Variants in PAN3 observed in about 807,000 individuals in gnomAD.
PAN3 encodes the protein poly(A) specific ribonuclease subunit PAN3.
In PAN3, 19 loss-of-function variants were observed where a neutral mutation model predicts 96.2. The ratio of observed to expected loss-of-function variants is 0.20; its 90% CI spans 0.14 to 0.29. The LOEUF (loss-of-function observed/expected upper bound fraction) is 0.29. PAN3 is among the 10% of genes least tolerant of loss of function. PAN3 has a pLI of 1.00. For missense variants in PAN3, 882 were observed against 1,108.1 expected (o/e 0.80, Z 2.90); for synonymous variants, 433 against 406.6 (o/e 1.06, Z -0.78).
At chr13:28,174,485 T>G in intron 2 of PAN3, 92 bp downstream of exon 2, 3 of 1,401,728 alleles carry the variant, frequency 2.1e-6, no homozygotes, top group Non-Finnish European at 2.9e-6. Flanking sequence ...ATTTGTTGAG[T>G]GGGAGGTGAG....
chr13:28,253,615 T>G (rs1014546090), intron 6 of PAN3, among the ~76,000 whole-genome samples: 1 of 151,696 alleles, frequency 6.6e-6, no homozygotes, highest in African/African-American at 2.4e-5. Flanking sequence ...TTTTTTTCCT[T>G]AGAGAGACAG....
intron 7 of PAN3, among the ~76,000 whole-genome samples, chr13:28,259,674 T>G (rs1885526673): frequency 6.6e-6 from 1 of 152,100 alleles, no homozygotes; most frequent in Non-Finnish European, 1.5e-5. Flanking sequence ...GTTTCATTCT[T>G]GTTGCCTAGG....
At chr13:28,213,130 GAAA>G (rs1233024159) in intron 5 of PAN3, among the ~76,000 whole-genome samples, 3 of 151,180 alleles carry the variant, frequency 2.0e-5, no homozygotes, top group Non-Finnish European at 4.4e-5. Context: ...ACCGGGGGAA[GAAA>G]AAAAACCCAA....
At chr13:28,179,387 G>A (rs1875468074) in intron 4 of PAN3, among the ~76,000 whole-genome samples, 1 of 152,122 alleles carries the variant, frequency 6.6e-6, no homozygotes, top group African/African-American at 2.4e-5. Context: ...ATTTTCTTAG[G>A]TATTCCCTAA....
intron 5 of PAN3, among the ~76,000 whole-genome samples, chr13:28,209,112 T>C (rs1879729282): frequency 6.6e-6 from 1 of 152,220 alleles, no homozygotes; most frequent in Non-Finnish European, 1.5e-5. Context: ...GTATTGTTTT[T>C]GTTTGTATTT....
rs957586021 is a variant in PAN3, at chr13:28,178,882, C to T, written c.690+947C>T. Among the ~76,000 whole-genome samples the T allele has an allele frequency of 2.0e-5, 3 of 151,974 alleles. No homozygotes were observed. In the East Asian group the frequency reaches 5.8e-4, roughly 29 times the overall value. On this transcript the variant is annotated intron_variant, in intron 4 of 18. Coordinates refer to ENST00000380958, the MANE Select transcript of PAN3 (RefSeq NM_175854.8). ...CACGGTGTATAGTTATCCCCAAACTCGTTGAGTTGTATACATTAAATATGT... is the reference window on the plus strand; with the variant it reads ...CACGGTGTATAGTTATCCCCAAACTTGTTGAGTTGTATACATTAAATATGT...
chr13:28,171,928 C>T (rs1460952302), intron 1 of PAN3, among the ~76,000 whole-genome samples: 5 of 152,118 alleles, frequency 3.3e-5, no homozygotes, highest in Admixed American at 1.3e-4. Context: ...TTAGAACAAA[C>T]GCTACTCCTA....
intron 5 of PAN3, among the ~76,000 whole-genome samples, chr13:28,199,650 G>C (rs939175332): frequency 6.6e-6 from 1 of 152,032 alleles, no homozygotes; most frequent in African/African-American, 2.4e-5. Context: ...TTTATACAAA[G>C]CAAATAGTAT....
chr13:28,189,574 G>A (rs181610053), intron 4 of PAN3, among the ~76,000 whole-genome samples: 112 of 152,112 alleles, frequency 7.4e-4, no homozygotes, highest in African/African-American at 2.5e-3. Context: ...AAGCTCCAAG[G>A]GGGCAAGGAG....
intron 5 of PAN3, among the ~76,000 whole-genome samples, chr13:28,206,324 T>C (rs1879356061): frequency 8.5e-6 from 1 of 118,020 alleles, no homozygotes; most frequent in African/African-American, 2.8e-5. Flanking sequence ...ACTTTTTTTT[T>C]TTTTTTTTTT....
intron 1 of PAN3, among the ~76,000 whole-genome samples, chr13:28,142,726 T>G (rs1389539749): frequency 6.6e-6 from 1 of 152,162 alleles, no homozygotes; most frequent in Admixed American, 6.6e-5. Flanking sequence ...GATTGAATCA[T>G]TTGACAACAA....
At chr13:28,192,465 C>T (rs1877416456) in intron 4 of PAN3, among the ~76,000 whole-genome samples, 2 of 152,170 alleles carry the variant, frequency 1.3e-5, no homozygotes, top group East Asian at 3.8e-4. Flanking sequence ...CTCTAAACAC[C>T]ATCATGTCTG....
chr13:28,190,425 C>T lies in PAN3; in HGVS notation c.691-6760C>T, dbSNP rs1053745136. On this transcript the variant is annotated intron_variant, in intron 4 of 18. Transcript: ENST00000380958. ...CTGGCTTATTAAAAAAATTTTTTGG[C>T]GGGGGTGGGGGTAGAGATTGGGGGG... Among the ~76,000 whole-genome samples, 7 of 149,246 alleles carry T rather than the reference C, an allele frequency of 4.7e-5. No individual in the cohort carries two copies. In the East Asian group the frequency reaches 5.9e-4, roughly 13 times the overall value.
At chr13:28,176,466 G>A (rs568677603) in intron 2 of PAN3, 27 bp from the exon 3 acceptor site, 31 of 1,591,626 alleles carry the variant, frequency 1.9e-5, no homozygotes, top group Non-Finnish European at 2.2e-5. Flanking sequence ...CCTCAGTGAT[G>A]TTATAAATAA....
chr13:28,207,985 G>C (rs903157407), intron 5 of PAN3, among the ~76,000 whole-genome samples: 1 of 152,130 alleles, frequency 6.6e-6, no homozygotes, highest in Non-Finnish European at 1.5e-5. Flanking sequence ...ATAATTAAAT[G>C]GATGGACCTG....
At chr13:28,287,800 T>C (rs887378458) in intron 17 of PAN3, among the ~76,000 whole-genome samples, 184 bp from the exon 18 acceptor site, 2 of 152,236 alleles carry the variant, frequency 1.3e-5, no homozygotes, top group African/African-American at 4.8e-5. Flanking sequence ...ATTTGCTAAC[T>C]GAAAACTGGA....
At chr13:28,155,150 C>G (rs535016105) in intron 1 of PAN3, among the ~76,000 whole-genome samples, 54 of 152,074 alleles carry the variant, frequency 3.6e-4, no homozygotes, top group African/African-American at 1.3e-3. Context: ...TAACTTTCCT[C>G]CCTGGAGGTC....
intron 1 of PAN3, among the ~76,000 whole-genome samples, chr13:28,158,009 A>T (rs1490676205): frequency 6.6e-6 from 1 of 152,228 alleles, no homozygotes; most frequent in African/African-American, 2.4e-5. Flanking sequence ...GACATAGACC[A>T]ATAGAACAGA....
chr13:28,261,292 A>T, intron 8 of PAN3, 109 bp from the exon 9 acceptor site: 1 of 644,018 alleles, frequency 1.6e-6, no homozygotes, highest in South Asian at 2.5e-5. Flanking sequence ...TTTAATATTT[A>T]AAAAGTGCAT....
Sources: allele counts gnomAD v4.1 joint callset (sites outside exome capture counted in the v4.1 genomes callset), GRCh38; gene constraint gnomAD v4.1.1; transcripts MANE v1.5; gene names NCBI Gene and HGNC (gene_info 2026-07-23, HGNC 2026-07-21).